Variants in CSNK2A2IP observed in about 807,000 individuals in gnomAD.
The protein encoded by CSNK2A2IP is casein kinase II subunit alpha'-interacting protein.
At chr3:88,399,542 A>G in the CSNK2A2IP span, 1 of 152,180 alleles carries the variant, frequency 6.6e-6, no homozygotes, top group African/African-American at 2.4e-5. Context: ...ATGTTTATTA[A>G]GTGCTTACTA....
chr3:88,358,063 A>C, the CSNK2A2IP span, among the ~76,000 whole-genome samples: 1 of 152,102 alleles, frequency 6.6e-6, no homozygotes, highest in Non-Finnish European at 1.5e-5. Context: ...TTCTTTGGTT[A>C]AGTTTATTCC....
At chr3:88,415,715 T>C in the CSNK2A2IP span, among the ~76,000 whole-genome samples, 4 of 151,994 alleles carry the variant, frequency 2.6e-5, 1 homozygote, top group African/African-American at 9.7e-5. Context: ...CTGGGTATAA[T>C]TCCTTGCAAA....
the CSNK2A2IP span, among the ~76,000 whole-genome samples, chr3:88,456,361 A>G: frequency 6.6e-6 from 1 of 152,088 alleles, no homozygotes. Context: ...AGTTTTCACC[A>G]ATTCTTTTAT....
the CSNK2A2IP span, among the ~76,000 whole-genome samples, chr3:88,447,919 CTTAA>C: frequency 6.6e-6 from 1 of 152,054 alleles, no homozygotes. Context: ...TTGGTATTTT[CTTAA>C]TTAAGTAGAT....
chr3:88,381,637 A>C, the CSNK2A2IP span, among the ~76,000 whole-genome samples: 3 of 152,212 alleles, frequency 2.0e-5, no homozygotes, highest in Non-Finnish European at 4.4e-5. Context: ...GACTCCAAGC[A>C]TGGAGACCCA....
the CSNK2A2IP span, among the ~76,000 whole-genome samples, chr3:88,442,097 T>C: frequency 1.3e-5 from 2 of 152,228 alleles, no homozygotes; most frequent in Non-Finnish European, 2.9e-5. Flanking sequence ...TGTACGTTTG[T>C]CATTCTGGAT....
the CSNK2A2IP span, among the ~76,000 whole-genome samples, chr3:88,402,727 A>G: frequency 2.6e-5 from 4 of 152,040 alleles, no homozygotes; most frequent in African/African-American, 9.7e-5. Flanking sequence ...ATTTGTACAT[A>G]AAGAGTATAA....
chr3:88,448,993 C>A, the CSNK2A2IP span, among the ~76,000 whole-genome samples: 1 of 152,064 alleles, frequency 6.6e-6, no homozygotes, highest in Non-Finnish European at 1.5e-5. Context: ...CTATATACTT[C>A]CTGAAAATGT....
At chr3:88,435,838 T>G in the CSNK2A2IP span, among the ~76,000 whole-genome samples, 3 of 151,938 alleles carry the variant, frequency 2.0e-5, no homozygotes, top group Admixed American at 6.6e-5. Context: ...TTTTTAAACT[T>G]ATGATTAATG....
At chr3:88,409,942 A>G in the CSNK2A2IP span, among the ~76,000 whole-genome samples, 1 of 152,058 alleles carries the variant, frequency 6.6e-6, no homozygotes, top group Non-Finnish European at 1.5e-5. Flanking sequence ...CATCAGGGTG[A>G]CATATTTTTA....
the CSNK2A2IP span, among the ~76,000 whole-genome samples, chr3:88,339,686 T>C: frequency 6.6e-6 from 1 of 152,088 alleles, no homozygotes; most frequent in African/African-American, 2.4e-5. Context: ...GGAAAAGAAT[T>C]CTGAAGAAAA....
chr3:88,414,712 TAATGACAG>T, the CSNK2A2IP span, among the ~76,000 whole-genome samples: 1 of 151,950 alleles, frequency 6.6e-6, no homozygotes, highest in Non-Finnish European at 1.5e-5. Flanking sequence ...AAGTACTAAA[TAATGACAG>T]AATGACTGCA....
chr3:88,379,291 A>G, the CSNK2A2IP span, among the ~76,000 whole-genome samples: 7 of 152,134 alleles, frequency 4.6e-5, no homozygotes, highest in African/African-American at 7.2e-5. Context: ...CTGGTTTCAG[A>G]ATAAACGCCT....
At chr3:88,412,474 T>C in the CSNK2A2IP span, among the ~76,000 whole-genome samples, 24 of 152,184 alleles carry the variant, frequency 1.6e-4, no homozygotes, top group East Asian at 4.6e-3. Flanking sequence ...ACATTGCTTT[T>C]CTTCATTCCT....
the CSNK2A2IP span, among the ~76,000 whole-genome samples, chr3:88,361,609 C>T: frequency 6.6e-6 from 1 of 152,044 alleles, no homozygotes; most frequent in Non-Finnish European, 1.5e-5. Flanking sequence ...TTATTTGAGT[C>T]AAATCTGCTT....
chr3:88,421,660 A>G, the CSNK2A2IP span, among the ~76,000 whole-genome samples: 1 of 151,868 alleles, frequency 6.6e-6, no homozygotes, highest in African/African-American at 2.4e-5. Context: ...CAGATGATCC[A>G]CCCACCTCGG....
chr3:88,465,155 G>A, the CSNK2A2IP span: 2 of 392,160 alleles, frequency 5.1e-6, no homozygotes, highest in Non-Finnish European at 8.9e-6. Context: ...CTCAAATGGT[G>A]ACAATCTTTT....
At chr3:88,417,385 A>G in the CSNK2A2IP span, among the ~76,000 whole-genome samples, 1 of 152,138 alleles carries the variant, frequency 6.6e-6, no homozygotes, top group East Asian at 1.9e-4. Flanking sequence ...CAAATATTTA[A>G]TTACCTCTCC....
the CSNK2A2IP span, among the ~76,000 whole-genome samples, chr3:88,415,447 T>C: frequency 6.6e-6 from 1 of 152,010 alleles, no homozygotes. Context: ...CGGAATCAGA[T>C]AGGCTTAGGT....
Sources: gnomAD v4.1 joint callset for allele counts (sites outside exome capture counted in the v4.1 genomes callset) on GRCh38, gnomAD v4.1.1 for gene constraint, MANE v1.5 for transcripts, NCBI Gene and HGNC (gene_info 2026-07-23, HGNC 2026-07-21) for gene names.